The following NMNAT2 variants were observed in gnomAD, a reference collection of about 807,000 sequenced individuals.
NMNAT2 encodes nicotinamide/nicotinic acid mononucleotide adenylyltransferase 2.
In NMNAT2, 11 loss-of-function variants were observed where a neutral mutation model predicts 41.6. The observed-to-expected ratio is 0.26, with a 90% confidence interval of 0.17 to 0.44. The LOEUF (loss-of-function observed/expected upper bound fraction) is 0.44. NMNAT2 is among the 20% of genes least tolerant of loss of function. The probability of loss-of-function intolerance (pLI) is 1.00; values close to 1 mark genes in which losing one functional copy is unlikely to be tolerated. For missense variants in NMNAT2, 288 were observed against 407.7 expected, an observed-to-expected ratio of 0.71 and a Z score of 2.53; for synonymous variants, 148 against 151.2, an observed-to-expected ratio of 0.98 and a Z score of 0.16.
chr1:183,361,559 A>T (rs551143853), intron 1 of NMNAT2, among the ~76,000 whole-genome samples: 2 of 151,758 alleles, frequency 1.3e-5, no homozygotes, highest in African/African-American at 4.8e-5. Context: ...AAATATTTTT[A>T]AATAAATGAA....
chr1:183,258,550 A>G lies in NMNAT2; in HGVS notation c.821+2452T>C, dbSNP rs187510502. 1.4e-3 allele frequency among the ~76,000 whole-genome samples: 220 copies of G among 152,348 alleles called. 3 individuals carry two copies. Among genetic ancestry groups the G allele is most frequent in the Admixed American group, 0.01 (156 of 15,306 alleles). On this transcript the variant is annotated intron_variant, in intron 10 of 10. Transcript: ENST00000287713. Reference sequence around the variant, plus strand: ...AGTTTATAGTTTAAAAAAGAGGACAACAGCCCTTTCCCAAAGCAGACCTCC... The same window carrying G: ...AGTTTATAGTTTAAAAAAGAGGACAGCAGCCCTTTCCCAAAGCAGACCTCC...
chr1:183,283,831 ACT>A (rs1661328730), intron 7 of NMNAT2, 162 bp downstream of exon 7: 4 of 704,546 alleles, frequency 5.7e-6, no homozygotes, highest in African/African-American at 5.2e-5. Flanking sequence ...AAGGGAGCTA[ACT>A]ACGAATGCAA....
At chr1:183,357,091 G>A (rs940943350) in intron 1 of NMNAT2, among the ~76,000 whole-genome samples, 17 of 152,152 alleles carry the variant, frequency 1.1e-4, no homozygotes, top group African/African-American at 4.1e-4. Context: ...GACGGCTATG[G>A]TGAGGTGGGG....
chr1:183,292,523 C>G (rs757677527), intron 3 of NMNAT2, among the ~76,000 whole-genome samples: 1 of 152,214 alleles, frequency 6.6e-6, no homozygotes, highest in African/African-American at 2.4e-5. Flanking sequence ...TCTGGAAGCT[C>G]CAAGAATCAT....
chr1:183,397,398 C>A (rs1027242924), intron 1 of NMNAT2, among the ~76,000 whole-genome samples: 6 of 152,076 alleles, frequency 3.9e-5, no homozygotes, highest in Admixed American at 6.6e-5. Flanking sequence ...AGCCTCCAAG[C>A]AATATAGGAC....
intron 1 of NMNAT2, among the ~76,000 whole-genome samples, chr1:183,402,554 T>G (rs1648839552): frequency 6.6e-6 from 1 of 152,354 alleles, no homozygotes; most frequent in African/African-American, 2.4e-5. Context: ...TGCTCTTGAA[T>G]AAACTCTCTT....
chr1:183,254,475 G>A (rs916595720), intron 10 of NMNAT2, among the ~76,000 whole-genome samples: 3 of 152,130 alleles, frequency 2.0e-5, no homozygotes, highest in African/African-American at 7.2e-5. Context: ...GTCTCACTCT[G>A]TTGCCCAGGC....
intron 1 of NMNAT2, among the ~76,000 whole-genome samples, chr1:183,324,610 A>G (rs1292829843): frequency 1.3e-5 from 2 of 152,116 alleles, no homozygotes; most frequent in Non-Finnish European, 2.9e-5. Flanking sequence ...AGTTCCTCTG[A>G]CACTCTGAGC....
chr1:183,379,414 C>T (rs748192312), intron 1 of NMNAT2, among the ~76,000 whole-genome samples: 3 of 151,900 alleles, frequency 2.0e-5, no homozygotes, highest in Non-Finnish European at 4.4e-5. Context: ...CTCCTGGGCT[C>T]AAGCAATCCT....
intron 1 of NMNAT2, among the ~76,000 whole-genome samples, chr1:183,339,018 C>T (rs1215347783): frequency 6.6e-6 from 1 of 152,146 alleles, no homozygotes; most frequent in East Asian, 1.9e-4. Context: ...CCAGGCGACC[C>T]TGCCCAAGGG....
chr1:183,266,727 CTGAAGT>C (rs1660826013), intron 8 of NMNAT2: 1 of 210,666 alleles, frequency 4.7e-6, no homozygotes, highest in African/African-American at 2.3e-5. Flanking sequence ...CTGCAGAAGG[CTGAAGT>C]TGCATTTAGA....
chr1:183,405,663 A>T (rs1280750759), intron 1 of NMNAT2, among the ~76,000 whole-genome samples: 1 of 152,250 alleles, frequency 6.6e-6, no homozygotes, highest in African/African-American at 2.4e-5. Context: ...GGAGCTTTCA[A>T]CAGAGCTCTT....
intron 1 of NMNAT2, among the ~76,000 whole-genome samples, chr1:183,306,506 T>A (rs954787076): frequency 6.6e-6 from 1 of 152,148 alleles, no homozygotes; most frequent in African/African-American, 2.4e-5. Flanking sequence ...GGATGCCCAA[T>A]GAACCACTGA....
chr1:183,283,932 C>A, intron 7 of NMNAT2, 63 bp downstream of exon 7: 1 of 1,513,722 alleles, frequency 6.6e-7, no homozygotes, highest in Non-Finnish European at 9.2e-7. Context: ...CCCCATGTTG[C>A]CTGTCGTGAA....
chr1:183,287,279 A>G (rs1661425339), intron 4 of NMNAT2, among the ~76,000 whole-genome samples: 1 of 152,100 alleles, frequency 6.6e-6, no homozygotes, highest in Admixed American at 6.6e-5. Flanking sequence ...TGTCTGCAAA[A>G]GGGCTCTGTA....
At position 183,286,722 on chromosome 1, in the gene NMNAT2, G is replaced by T; in HGVS notation, c.388C>A (p.Gln130Lys). The T allele has an allele frequency of 6.2e-7, 1 of 1,612,488 alleles. No homozygotes were observed. Among genetic ancestry groups the T allele is most frequent in the Non-Finnish European group, 8.5e-7 (1 of 1,179,402 alleles). ...TAAATGGGCTGGGGGGTCTCGTTTT[G>T]TGGCTGTCCGATCACAGGTGTCATG... ...PSMTPVIGQP[Q>K]NETPQPIYQN... Residue 130 changes from glutamine to lysine, a missense_variant, in exon 5 of 11, where the codon CAA becomes AAA. Physicochemically the swap from Gln to Lys is moderately conservative, Grantham distance 53. This residue lies in a region of NMNAT2 where 181 missense variants were observed against 213.7 expected (regional missense o/e 0.85). Coordinates refer to ENST00000287713, the MANE Select transcript of NMNAT2 (RefSeq NM_015039.4).
intron 7 of NMNAT2, among the ~76,000 whole-genome samples, chr1:183,281,856 G>A (rs566313824): frequency 5.9e-5 from 9 of 152,346 alleles, no homozygotes; most frequent in African/African-American, 1.7e-4. Context: ...AAGGGGACAC[G>A]TGAGCCCCAG....
At chr1:183,407,464 T>A (rs1055311487) in intron 1 of NMNAT2, among the ~76,000 whole-genome samples, 1 of 152,182 alleles carries the variant, frequency 6.6e-6, no homozygotes, top group Non-Finnish European at 1.5e-5. Flanking sequence ...TTTCTGAGCA[T>A]CTATTTTGCC....
Position 183,252,639 on chromosome 1 carries a change from T to C in NMNAT2, c.*2A>G, listed in dbSNP as rs1660421511. The C allele has an allele frequency of 6.2e-7, 1 of 1,609,108 alleles. No homozygotes were observed. Among genetic ancestry groups the C allele is most frequent in the Non-Finnish European group, 8.5e-7 (1 of 1,175,390 alleles). On this transcript the variant is annotated 3_prime_UTR_variant, in exon 11 of 11. Transcript: ENST00000287713. ...ATTGTGTTGCCGGAGGACGAGGGGC[T>C]GCTAGCCGGAGGCATTGATGTACAG...
Sources: gnomAD v4.1 joint callset for allele counts (sites outside exome capture counted in the v4.1 genomes callset) on GRCh38, gnomAD v4.1.1 for gene constraint, gnomAD v4.1.1 regional missense constraint, MANE v1.5 for transcripts, NCBI Gene and HGNC (gene_info 2026-07-23, HGNC 2026-07-21) for gene names.